CTNNA2: variants seen among roughly 807,000 people sequenced by gnomAD.
CTNNA2 encodes the protein catenin alpha 2.
CTNNA2 carries 42 observed loss-of-function variants against 101.0 expected under a neutral mutation model. The observed-to-expected ratio is 0.42, with a 90% CI of 0.32 to 0.54. The LOEUF (loss-of-function observed/expected upper bound fraction) is 0.54, where lower values mean the gene tolerates loss of function less well. CTNNA2 is among the 20% of genes least tolerant of loss of function. The pLI is 0.14. For synonymous variants in CTNNA2, 450 were observed against 456.4 expected, an observed-to-expected ratio of 0.99 and a Z score of 0.18; for missense variants, 871 against 1,223.1, an observed-to-expected ratio of 0.71 and a Z score of 4.29.
intron 1 of CTNNA2, among the ~76,000 whole-genome samples, chr2:79,610,125 T>C (rs927786705): frequency 5.9e-5 from 9 of 152,102 alleles, no homozygotes; most frequent in Admixed American, 5.9e-4. Context: ...AAATAGCATC[T>C]ATCAAAGAAG....
chr2:80,449,791 T>C (rs1456440952), intron 9 of CTNNA2, among the ~76,000 whole-genome samples: 3 of 152,188 alleles, frequency 2.0e-5, no homozygotes, highest in African/African-American at 7.2e-5. Flanking sequence ...TGCCTTTCTG[T>C]AGCTCACACT....
intron 9 of CTNNA2, among the ~76,000 whole-genome samples, chr2:80,514,011 C>T (rs1688911406): frequency 6.6e-6 from 1 of 152,190 alleles, no homozygotes; most frequent in Admixed American, 6.5e-5. Context: ...TTGAACGTCT[C>T]TCTTTCTCAT....
At chr2:80,143,400 A>G (rs144265934) in intron 7 of CTNNA2, among the ~76,000 whole-genome samples, 19 of 152,300 alleles carry the variant, frequency 1.2e-4, no homozygotes, top group African/African-American at 4.6e-4. Flanking sequence ...TAGTCAATGT[A>G]TCTGTCACCT....
intron 9 of CTNNA2, among the ~76,000 whole-genome samples, chr2:80,534,917 A>C (rs1690868884): frequency 6.6e-6 from 1 of 152,196 alleles, no homozygotes; most frequent in Non-Finnish European, 1.5e-5. Context: ...CCCTAAATGC[A>C]TGACAGCAAG....
At chr2:80,139,765 A>G (rs1360104468) in intron 7 of CTNNA2, among the ~76,000 whole-genome samples, 2 of 152,198 alleles carry the variant, frequency 1.3e-5, no homozygotes, top group East Asian at 1.9e-4. Context: ...GTAAATTTAC[A>G]TCCAATTTCT....
intron 2 of CTNNA2, among the ~76,000 whole-genome samples, chr2:79,282,504 G>C (rs1389160102): frequency 2.0e-5 from 3 of 151,646 alleles, no homozygotes; most frequent in Admixed American, 1.3e-4. Flanking sequence ...GAGAATATGC[G>C]GTGTCTGGTT....
intron 2 of CTNNA2, among the ~76,000 whole-genome samples, chr2:79,676,548 G>A (rs1181878595): frequency 1.3e-5 from 2 of 152,112 alleles, no homozygotes; most frequent in East Asian, 3.9e-4. Flanking sequence ...ATGCCTAGGT[G>A]ATCGGCTCTG....
intron 2 of CTNNA2, among the ~76,000 whole-genome samples, chr2:79,282,886 T>C (rs1675436070): frequency 1.0e-5 from 1 of 96,132 alleles, no homozygotes; most frequent in South Asian, 4.4e-4. Flanking sequence ...AGTGTAAAAG[T>C]GTTCCTATTT....
chr2:79,761,171 G>A (rs1300568160), intron 3 of CTNNA2, among the ~76,000 whole-genome samples: 2 of 152,140 alleles, frequency 1.3e-5, no homozygotes, highest in South Asian at 2.1e-4. Flanking sequence ...CTGAAATGCT[G>A]TATATTTTAG....
At chr2:79,643,278 G>A (rs1680581125) in intron 1 of CTNNA2, among the ~76,000 whole-genome samples, 1 of 152,120 alleles carries the variant, frequency 6.6e-6, no homozygotes, top group Non-Finnish European at 1.5e-5. Context: ...CAAATAAAGA[G>A]GTATTGTTCT....
intron 1 of CTNNA2, among the ~76,000 whole-genome samples, chr2:79,564,665 A>T (rs983101274): frequency 2.7e-4 from 41 of 152,158 alleles, no homozygotes; most frequent in Non-Finnish European, 2.9e-5. Flanking sequence ...GCACACATTA[A>T]AATTTTTTAA....
chr2:79,373,203 T>G (rs1476998516), intron 3 of CTNNA2, among the ~76,000 whole-genome samples: 1 of 152,214 alleles, frequency 6.6e-6, no homozygotes, highest in African/African-American at 2.4e-5. Flanking sequence ...TGTGACTCTA[T>G]GATACCTTCT....
intron 4 of CTNNA2, among the ~76,000 whole-genome samples, chr2:79,470,324 A>G (rs888482969): frequency 7.2e-5 from 11 of 152,040 alleles, no homozygotes; most frequent in African/African-American, 2.7e-4. Context: ...GTAAGAAAAC[A>G]ATGCCCTGTC....
intron 7 of CTNNA2, among the ~76,000 whole-genome samples, chr2:80,379,637 A>C (rs918835422): frequency 3.3e-5 from 5 of 152,232 alleles, no homozygotes; most frequent in Non-Finnish European, 7.3e-5. Flanking sequence ...TTTGAAGGAA[A>C]TATGAAAATA....
chr2:80,215,498 C>A (rs1404216426), intron 7 of CTNNA2, among the ~76,000 whole-genome samples: 1 of 152,186 alleles, frequency 6.6e-6, no homozygotes, highest in African/African-American at 2.4e-5. Flanking sequence ...CCCTCAGCTG[C>A]AGGTCTGTTG....
intron 7 of CTNNA2, among the ~76,000 whole-genome samples, chr2:80,137,894 T>C (rs999103311): frequency 6.6e-6 from 1 of 152,126 alleles, no homozygotes; most frequent in Admixed American, 6.6e-5. Context: ...CAAACTGTTT[T>C]GCTGGGGGAC....
chr2:80,059,726 A>C (rs1462130087), intron 7 of CTNNA2, among the ~76,000 whole-genome samples: 1 of 152,180 alleles, frequency 6.6e-6, no homozygotes, highest in African/African-American at 2.4e-5. Context: ...ATGGCAACAC[A>C]CTTGCTCTCT....
rs776261249 is a variant in CTNNA2 at position 80,545,930 on chromosome 2, G to A, written c.1407G>A (p.Leu469=). ...AGGTCATCAATGCCGCTCTGACACT[G>A]GCTGCCCGGCCACAGAGCAAAGTTG... ...CPQVINAALT[L]AARPQSKVAQ... Residue 469 remains leucine, a synonymous_variant, in exon 11 of 19, where the codon CTG becomes CTA. Coordinates refer to ENST00000402739, the MANE Select transcript of CTNNA2 (RefSeq NM_001282597.3). 12 of 1,613,948 alleles carry A rather than the reference G, an allele frequency of 7.4e-6. No individual in the cohort carries two copies. The highest frequency in any genetic ancestry group is 1.0e-5 in the Non-Finnish European group (12 of 1,179,998).
chr2:79,797,660 TAA>T (rs10630216), intron 3 of CTNNA2, among the ~76,000 whole-genome samples: 4 of 121,814 alleles, frequency 3.3e-5, no homozygotes, highest in South Asian at 3.0e-4. Context: ...GACTCTGTCT[TAA>T]AAAAAAAAAA....
Sources: gnomAD v4.1 joint callset for allele counts (sites outside exome capture counted in the v4.1 genomes callset) on GRCh38, gnomAD v4.1.1 for gene constraint, MANE v1.5 for transcripts, NCBI Gene and HGNC (gene_info 2026-07-23, HGNC 2026-07-21) for gene names.